SLC27A6: variants seen among roughly 807,000 people sequenced by gnomAD.
SLC27A6 encodes the protein long-chain fatty acid transport protein 6.
Under a neutral mutation model 63.9 loss-of-function variants are expected in SLC27A6, and 74 were observed. The ratio of observed to expected loss-of-function variants is 1.16; its 90% CI spans 0.96 to 1.40. The LOEUF is 1.40. Among genes scored for constraint, SLC27A6 ranks in the 40% most tolerant of loss-of-function variants. The probability of loss-of-function intolerance (pLI) is 0.00; values close to 1 mark genes in which losing one functional copy is unlikely to be tolerated. For synonymous variants in SLC27A6, 287 were observed against 260.8 expected, an observed-to-expected ratio of 1.10 and a Z score of -0.97; for missense variants, 794 against 732.9, an observed-to-expected ratio of 1.08 and a Z score of -0.96.
intron 4 of SLC27A6, among the ~76,000 whole-genome samples, chr5:129,012,342 A>C (rs759645032): frequency 6.6e-6 from 1 of 152,040 alleles, no homozygotes; most frequent in African/African-American, 2.4e-5. Context: ...AATGAAGCTT[A>C]ATGCTTTGAA....
intron 1 of SLC27A6, among the ~76,000 whole-genome samples, chr5:128,973,303 G>C (rs1024472813): frequency 3.9e-5 from 6 of 152,212 alleles, no homozygotes; most frequent in African/African-American, 1.2e-4. Flanking sequence ...GCTCTCTTCA[G>C]AGCTGTCAGA....
In SLC27A6 at chr5:129,027,472, T is replaced by C. The variant is rs1752283731; in HGVS notation, c.1454+141T>C. The C allele has an allele frequency of 7.8e-6, 5 of 645,058 alleles. No homozygotes were observed. The South Asian group carries it at 7.9e-5, about 10-fold the overall frequency. The allele number at this position is 645,058 out of a possible 1,614,324, so 40.0% of individuals were successfully genotyped here. ...CATGTCTCCTCATTAAAACATTTAT[T>C]GGCCATCTGTTTCTAGACTGAACCA... is the stretch of plus-strand genomic sequence containing the variant. On this transcript the variant is annotated intron_variant, in intron 7 of 9. Transcript: ENST00000262462.
intron 4 of SLC27A6, among the ~76,000 whole-genome samples, chr5:129,008,329 C>T (rs568681424): frequency 6.6e-6 from 1 of 152,154 alleles, no homozygotes; most frequent in Non-Finnish European, 1.5e-5. Context: ...ATGTGATTCT[C>T]TGTATCAACT....
intron 1 of SLC27A6, among the ~76,000 whole-genome samples, chr5:128,970,834 T>C (rs1750124802): frequency 6.7e-6 from 1 of 149,754 alleles, no homozygotes. Flanking sequence ...TCTCTAGTTC[T>C]TTTAATTGTG....
intron 1 of SLC27A6, among the ~76,000 whole-genome samples, chr5:128,971,276 G>A (rs36181441): frequency 6.6e-6 from 1 of 151,900 alleles, no homozygotes; most frequent in African/African-American, 2.4e-5. Flanking sequence ...TGTTAGGTCT[G>A]CTTGGTGCAG....
At chr5:128,991,237 A>C (rs1445360082) in intron 4 of SLC27A6, among the ~76,000 whole-genome samples, 1 of 152,082 alleles carries the variant, frequency 6.6e-6, no homozygotes, top group African/African-American at 2.4e-5. Flanking sequence ...GCCGGGTGTG[A>C]GCTGAGTTAC....
intron 1 of SLC27A6, among the ~76,000 whole-genome samples, chr5:128,971,497 C>T (rs1750159455): frequency 6.7e-6 from 1 of 149,772 alleles, no homozygotes; most frequent in African/African-American, 2.4e-5. Context: ...GAATTGATCC[C>T]TTTACCATTA....
At chr5:129,027,498 CA>C (rs1470641470) in intron 7 of SLC27A6, among the ~76,000 whole-genome samples, 167 bp downstream of exon 7, 1 of 152,086 alleles carries the variant, frequency 6.6e-6, no homozygotes, top group East Asian at 1.9e-4. Context: ...GACTGAACCA[CA>C]AGTTAAATTT....
Position 129,033,253 on chromosome 5 carries a change from C to G in SLC27A6, c.1831C>G (p.Gln611Glu), listed in dbSNP as rs1216848624. The G allele has an allele frequency of 6.3e-7, 1 of 1,582,314 alleles. No individual in the cohort carries two copies. Among genetic ancestry groups the G allele is most frequent in the East Asian group, 2.3e-5 (1 of 43,692 alleles). Reference sequence around the variant, plus strand: ...TCTACTGACCAGGGAACTTTATGATCAAATAATGTTAGGGGAAATAAAACT... The same window carrying G: ...TCTACTGACCAGGGAACTTTATGATGAAATAATGTTAGGGGAAATAAAACT... ...YVLLTRELYD[Q>E]IMLGEIKL Residue 611 changes from glutamine to glutamate, a missense_variant, in exon 10 of 10, where the codon CAA becomes GAA. Gln to Glu is a conservative substitution (Grantham distance 29). Transcript: ENST00000262462.
chr5:128,988,713 C>T lies in SLC27A6; in HGVS notation c.799C>T (p.His267Tyr), dbSNP rs756716159. The change falls in exon 3 of 10, where the codon CAT (histidine) becomes TAT (tyrosine). Residue 267 changes from histidine (H) to tyrosine (Y), a missense_variant. By Grantham distance (83) the His-to-Tyr change is moderately conservative. Transcript: ENST00000262462. ...TGTTTATATAACCCTTCCTCTGTAT[C>T]ATAGTTCAGCAGCTATCCTGGGAAT... ...DIVYITLPLY[H>Y]SSAAILGISG... 5 of 1,613,452 alleles carry T rather than the reference C, an allele frequency of 3.1e-6. No individual in the cohort carries two copies. The Admixed American group carries it at 5.0e-5, about 16-fold the overall frequency.
intron 4 of SLC27A6, among the ~76,000 whole-genome samples, chr5:129,005,489 C>T (rs1362483205): frequency 2.6e-5 from 4 of 152,124 alleles, no homozygotes; most frequent in Admixed American, 1.3e-4. Flanking sequence ...CTGTAAAGCA[C>T]CAACCAAGTT....
At chr5:129,023,356 G>C (rs1414996010) in intron 5 of SLC27A6, among the ~76,000 whole-genome samples, 3 of 152,066 alleles carry the variant, frequency 2.0e-5, no homozygotes, top group Non-Finnish European at 4.4e-5. Flanking sequence ...ATTAAAATTA[G>C]TAGTGTTTTG....
In SLC27A6 at chr5:129,015,967, G is replaced by A. The variant is rs959176534; in HGVS notation, c.1052G>A (p.Arg351Lys). The change falls in exon 5 of 10, where the codon AGA becomes AAA. Residue 351 changes from arginine to lysine, a missense_variant. Arg to Lys is a conservative substitution (Grantham distance 26, BLOSUM62 2). Coordinates refer to ENST00000262462, the MANE Select transcript of SLC27A6 (RefSeq NM_001017372.3). ...GATGTATGGAGAGAATTTTTAGACA[G>A]ATTTGGAAATATAAAGGTGTGTGAA... ...RSDVWREFLDRFGNIKVCELY... is the reference protein window; with the variant it reads ...RSDVWREFLDKFGNIKVCELY... 1.1e-5 allele frequency: 17 copies of A among 1,609,666 alleles called. No individual in the cohort carries two copies. The highest frequency in any genetic ancestry group is 1.6e-4 in the Middle Eastern group (1 of 6,074).
chr5:128,968,096 C>CT (rs1188911812), intron 1 of SLC27A6, among the ~76,000 whole-genome samples: 1 of 152,072 alleles, frequency 6.6e-6, no homozygotes. Context: ...TGAACTCATC[C>CT]TTTTTTATGG....
chr5:128,998,755 T>G (rs1280095073), intron 4 of SLC27A6, among the ~76,000 whole-genome samples: 1 of 152,194 alleles, frequency 6.6e-6, no homozygotes, highest in African/African-American at 2.4e-5. Flanking sequence ...CCTTAAATTT[T>G]CTATTCCTGA....
chr5:128,988,579 T>C, intron 2 of SLC27A6, 21 bp from the exon 3 acceptor site: 1 of 1,607,962 alleles, frequency 6.2e-7, no homozygotes, highest in Admixed American at 1.7e-5. Flanking sequence ...ATATATTTCC[T>C]GTTCTTTTCT....
At chr5:129,006,091 T>G (rs1239041089) in intron 4 of SLC27A6, among the ~76,000 whole-genome samples, 1 of 96,856 alleles carries the variant, frequency 1.0e-5, no homozygotes, top group Non-Finnish European at 2.3e-5. Context: ...TTTTTTTTTT[T>G]TTTTTGAGAC....
At chr5:128,995,491 G>A (rs893559287) in intron 4 of SLC27A6, among the ~76,000 whole-genome samples, 5 of 152,328 alleles carry the variant, frequency 3.3e-5, no homozygotes, top group Admixed American at 2.0e-4. Flanking sequence ...CAAAGGTTAT[G>A]AAGAAACAAA....
chr5:128,966,180 G>A lies in SLC27A6; in HGVS notation c.43G>A (p.Val15Ile). ...AACAGTTCTAGGGGCTGGAATGGTC[G>A]TCCTGCACTTCTTGCAGAAACTCCT... ...WLTVLGAGMV[V>I]LHFLQKLLFP... The change falls in exon 1 of 10, where the codon GTC becomes ATC. Residue 15 changes from valine (V) to isoleucine (I), a missense_variant. Transcript: ENST00000262462. The A allele has an allele frequency of 6.3e-7, 1 of 1,585,192 alleles. No homozygotes were observed.
Sources: allele counts gnomAD v4.1 joint callset (sites outside exome capture counted in the v4.1 genomes callset), GRCh38; gene constraint gnomAD v4.1.1; transcripts MANE v1.5; gene names NCBI Gene and HGNC (gene_info 2026-07-23, HGNC 2026-07-21).